The following SLC7A2 variants were observed in gnomAD, a reference collection of about 807,000 sequenced individuals.
The protein encoded by SLC7A2 is solute carrier family 7 member 2, also known as cationic amino acid transporter 2.
In SLC7A2, 48 loss-of-function variants were observed where a neutral mutation model predicts 58.9. The observed-to-expected ratio is 0.82, with a 90% confidence interval of 0.65 to 1.04. SLC7A2 has a LOEUF of 1.04. Ranked by LOEUF, SLC7A2 falls within the 50% of genes least tolerant of loss-of-function variation. The pLI is 0.00. For missense variants in SLC7A2, 1,029 were observed against 818.8 expected, an observed-to-expected ratio of 1.26 and a Z score of -3.13; for synonymous variants, 363 against 314.5, an observed-to-expected ratio of 1.15 and a Z score of -1.63.
At chr8:17,514,520 G>A (rs1557598) in intron 2 of SLC7A2, among the ~76,000 whole-genome samples, 87,597 of 152,086 alleles carry the variant, frequency 0.58, 26,452 homozygotes, top group Non-Finnish European at 0.67. Context: ...CGTTGGTGGA[G>A]GTTGACCCTG....
chr8:17,544,734 G>C, intron 4 of SLC7A2, 128 bp downstream of exon 4: 1 of 734,838 alleles, frequency 1.4e-6, no homozygotes, highest in South Asian at 2.1e-5. Context: ...TTATGTCACT[G>C]TTAGACATCT....
chr8:17,544,710 G>A, intron 4 of SLC7A2, 104 bp downstream of exon 4: 4 of 927,004 alleles, frequency 4.3e-6, no homozygotes, highest in East Asian at 2.5e-5. Context: ...GATGAGATTA[G>A]TATATTTACA....
intron 2 of SLC7A2, among the ~76,000 whole-genome samples, chr8:17,504,557 A>G (rs1417029896): frequency 6.6e-6 from 1 of 152,160 alleles, no homozygotes; most frequent in Non-Finnish European, 1.5e-5. Flanking sequence ...CGGTTTATCA[A>G]TTGTATTTCT....
intron 11 of SLC7A2, 23 bp from the exon 12 acceptor site, chr8:17,563,580 A>G (rs1442024960): frequency 1.4e-6 from 2 of 1,443,130 alleles, no homozygotes; most frequent in Admixed American, 1.8e-5. Flanking sequence ...GAGTATGTTC[A>G]AAAGGATTGT....
intron 2 of SLC7A2, among the ~76,000 whole-genome samples, chr8:17,528,269 A>T (rs977109345): frequency 6.6e-6 from 1 of 152,224 alleles, no homozygotes; most frequent in African/African-American, 2.4e-5. Context: ...ATGGAGGACT[A>T]TTATAAGCTA....
chr8:17,498,443 T>G (rs1407314501), intron 1 of SLC7A2, among the ~76,000 whole-genome samples: 1 of 152,212 alleles, frequency 6.6e-6, no homozygotes, highest in Non-Finnish European at 1.5e-5. Flanking sequence ...ATATTCTGTA[T>G]TATGTACCTT....
At chr8:17,524,979 G>C (rs55927152) in intron 2 of SLC7A2, among the ~76,000 whole-genome samples, 2,567 of 152,226 alleles carry the variant, frequency 0.017, 73 homozygotes, top group African/African-American at 0.058. Flanking sequence ...AAGGGTCAGG[G>C]ATGACTCAGA....
chr8:17,499,843 A>G (rs1800085527), intron 1 of SLC7A2, among the ~76,000 whole-genome samples: 1 of 152,180 alleles, frequency 6.6e-6, no homozygotes, highest in Non-Finnish European at 1.5e-5. Flanking sequence ...GAATGACAAC[A>G]GAAAACTAAT....
chr8:17,506,549 G>A (rs1463523365), intron 2 of SLC7A2, among the ~76,000 whole-genome samples: 1 of 152,118 alleles, frequency 6.6e-6, no homozygotes, highest in Non-Finnish European at 1.5e-5. Flanking sequence ...GGTGCTAGAC[G>A]AATATGGAAG....
At chr8:17,510,514 T>C (rs1800561385) in intron 2 of SLC7A2, 1 of 152,262 alleles carries the variant, frequency 6.6e-6, no homozygotes, top group Non-Finnish European at 1.5e-5. Context: ...GACTTGTTAA[T>C]AGTCACCATT....
chr8:17,521,748 C>T (rs1206859668), intron 2 of SLC7A2, among the ~76,000 whole-genome samples: 1 of 152,200 alleles, frequency 6.6e-6, no homozygotes, highest in African/African-American at 2.4e-5. Flanking sequence ...CCTTGAAAAC[C>T]CAGGTCTTGT....
At chr8:17,510,429 A>T (rs919027488) in intron 2 of SLC7A2, among the ~76,000 whole-genome samples, 2 of 152,144 alleles carry the variant, frequency 1.3e-5, no homozygotes, top group African/African-American at 4.8e-5. Context: ...CAATGGCTGA[A>T]CTAATTTACA....
upstream of SLC7A2, among the ~76,000 whole-genome samples, chr8:17,496,452 C>G (rs1225263675): frequency 6.6e-6 from 1 of 152,164 alleles, no homozygotes; most frequent in African/African-American, 2.4e-5. Context: ...TTATCAGAGA[C>G]TCCTAAAGTA....
intron 2 of SLC7A2, among the ~76,000 whole-genome samples, chr8:17,515,377 C>A (rs1022948198): frequency 2.6e-5 from 4 of 151,680 alleles, no homozygotes; most frequent in African/African-American, 9.7e-5. Flanking sequence ...CTCACTGCAA[C>A]CTCCACCTCC....
At position 17,558,266 on chromosome 8, in the gene SLC7A2, A is replaced by G. The variant is rs772417659; in HGVS notation, c.1196-29A>G. On this transcript the variant is annotated intron_variant, in intron 8 of 12. Coordinates refer to ENST00000494857, the MANE Select transcript of SLC7A2 (RefSeq NM_001370338.1). ...TATGGAATTTCCTCCTGGGCCGTTTACTTCACCGTTCTTTTCTTCTCCCCC... is the reference window on the plus strand; with the variant it reads ...TATGGAATTTCCTCCTGGGCCGTTTGCTTCACCGTTCTTTTCTTCTCCCCC... The G allele has an allele frequency of 2.6e-5, 38 of 1,464,456 alleles. No homozygotes were observed. In the South Asian group the frequency reaches 4.0e-4, roughly 15 times the overall value. The allele number at this position is 1,464,456 out of a possible 1,614,324, so 90.7% of individuals were successfully genotyped here.
At chr8:17,545,036 TTTGA>T (rs1216011342) in intron 4 of SLC7A2, among the ~76,000 whole-genome samples, 3 of 152,250 alleles carry the variant, frequency 2.0e-5, no homozygotes, top group Non-Finnish European at 4.4e-5. Flanking sequence ...AATGTAGGCC[TTTGA>T]TTGTAAAGGA....
At chr8:17,556,932 C>T (rs1196669939) in intron 8 of SLC7A2, among the ~76,000 whole-genome samples, 1 of 152,024 alleles carries the variant, frequency 6.6e-6, no homozygotes, top group Non-Finnish European at 1.5e-5. Flanking sequence ...GTGAGGCACG[C>T]AGTGTGTTAA....
intron 2 of SLC7A2, among the ~76,000 whole-genome samples, chr8:17,535,425 C>T (rs73566082): frequency 0.016 from 2,370 of 152,230 alleles, 65 homozygotes; most frequent in African/African-American, 0.055. Flanking sequence ...CCTTGCAGTG[C>T]CCTGCTTCCC....
chr8:17,565,359 T>G lies in SLC7A2; in HGVS notation c.*213T>G, dbSNP rs1803219972. 3.7e-6 allele frequency: 2 copies of G among 542,284 alleles called. No homozygotes were observed. The highest frequency in any genetic ancestry group is 3.8e-5 in the African/African-American group (2 of 52,898). 33.6% of individuals were successfully genotyped at this position (542,284 alleles called of 1,614,324 possible). Reference sequence around the variant, plus strand: ...GAGTGGAAGTTTCATTCATCAGTGATGAATAGCCCCCAAACAGTGGGAGTG... The same window carrying G: ...GAGTGGAAGTTTCATTCATCAGTGAGGAATAGCCCCCAAACAGTGGGAGTG... On this transcript the variant is annotated 3_prime_UTR_variant, in exon 13 of 13. Transcript: ENST00000494857.
Sources: allele counts gnomAD v4.1 joint callset (sites outside exome capture counted in the v4.1 genomes callset), GRCh38; gene constraint gnomAD v4.1.1; transcripts MANE v1.5; gene names NCBI Gene and HGNC (gene_info 2026-07-23, HGNC 2026-07-21).